The following GRIA3 variants were observed in gnomAD, a reference collection of about 807,000 sequenced individuals.
GRIA3 encodes glutamate receptor 3.
GRIA3 carries 3 observed loss-of-function variants against 63.0 expected under a neutral mutation model. The observed-to-expected ratio is 0.05, with a 90% confidence interval of 0.02 to 0.12. The LOEUF (loss-of-function observed/expected upper bound fraction) is 0.12. GRIA3 is among the 10% of genes least tolerant of loss of function. The pLI, the probability that GRIA3 is intolerant of heterozygous loss-of-function variation, is 1.00. For missense variants in GRIA3, 347 were observed against 700.9 expected, an observed-to-expected ratio of 0.50 and a Z score of 5.70; for synonymous variants, 274 against 257.9, an observed-to-expected ratio of 1.06 and a Z score of -0.60.
intron 2 of GRIA3, among the ~76,000 whole-genome samples, chrX:123,202,204 A>C (rs1603023170): frequency 8.9e-6 from 1 of 112,289 alleles, no homozygotes; most frequent in Admixed American, 9.4e-5. Context: ...CCTGAATTAT[A>C]TCCCGTCAGG....
chrX:123,278,891 T>G (rs5909984), intron 3 of GRIA3, among the ~76,000 whole-genome samples: 41,295 of 110,827 alleles, frequency 0.37, 6,770 homozygotes, highest in African/African-American at 0.63. Flanking sequence ...TTGCTCAGAA[T>G]TGCTTGGGCT....
chrX:123,457,010 T>C (rs936636737), intron 12 of GRIA3, among the ~76,000 whole-genome samples: 1 of 111,617 alleles, frequency 9.0e-6, no homozygotes, highest in African/African-American at 3.3e-5. Context: ...ATCTTAAAGA[T>C]ACAATCTAAA....
intron 5 of GRIA3, among the ~76,000 whole-genome samples, chrX:123,387,093 G>A (rs747493886): frequency 1.4e-4 from 16 of 111,562 alleles, no homozygotes; most frequent in Non-Finnish European, 2.1e-4. Context: ...ATCCATGAGC[G>A]TGGGGTGTCT....
At chrX:123,264,658 T>A (rs887103247) in intron 3 of GRIA3, among the ~76,000 whole-genome samples, 1 of 112,076 alleles carries the variant, frequency 8.9e-6, no homozygotes, top group Admixed American at 9.4e-5. Context: ...TTGAGTCTTC[T>A]CAGGCAGCCA....
At chrX:123,352,575 A>G (rs17325268) in intron 4 of GRIA3, among the ~76,000 whole-genome samples, 47,005 of 110,302 alleles carry the variant, frequency 0.43, 7,333 homozygotes, top group Middle Eastern at 0.56. Context: ...GCTCCCTCTC[A>G]TCTTCTCTAC....
At chrX:123,246,274 A>G (rs2044358817) in intron 2 of GRIA3, among the ~76,000 whole-genome samples, 1 of 112,041 alleles carries the variant, frequency 8.9e-6, no homozygotes, top group South Asian at 3.8e-4. Context: ...CACAAACTTA[A>G]TAGCTTAAAT....
rs73553764 is a variant in GRIA3 at position 123,398,823 on chromosome X, A to C, written c.1080+20A>C. 2,382 of 1,167,186 alleles carry C rather than the reference A, an allele frequency of 2.0e-3. 23 individuals carry two copies. The African/African-American group carries it at 0.034, about 16-fold the overall frequency. On this transcript the variant is annotated intron_variant, in intron 7 of 15. Transcript: ENST00000620443. Reference sequence around the variant, plus strand: ...AAAATGGTAAAGACCACAATGGGTTATTGGGGTGGAAGAAACTTATAAAGA... The same window carrying C: ...AAAATGGTAAAGACCACAATGGGTTCTTGGGGTGGAAGAAACTTATAAAGA...
intron 5 of GRIA3, among the ~76,000 whole-genome samples, chrX:123,381,563 C>A (rs2045324467): frequency 1.8e-5 from 2 of 111,300 alleles, no homozygotes; most frequent in African/African-American, 6.5e-5. Context: ...ACCTAGAAGC[C>A]AAACAAATCC....
chrX:123,256,337 CA>C (rs762513360), intron 3 of GRIA3, among the ~76,000 whole-genome samples: 1 of 110,622 alleles, frequency 9.0e-6, no homozygotes, highest in African/African-American at 3.3e-5. Context: ...AGTAAATTAA[CA>C]AAAAAACAAT....
chrX:123,404,968 G>A (rs768811544), intron 10 of GRIA3, 54 bp downstream of exon 10: 6 of 848,963 alleles, frequency 7.1e-6, no homozygotes, highest in Admixed American at 6.6e-5. Flanking sequence ...AATTAACAAA[G>A]AAGAGAGAAG....
At chrX:123,404,450 T>G (rs777557171) in intron 9 of GRIA3, among the ~76,000 whole-genome samples, 1 of 108,063 alleles carries the variant, frequency 9.3e-6, no homozygotes, top group Non-Finnish European at 1.9e-5. Context: ...CTGGGCCATC[T>G]TTCAAACTCT....
rs773738178 is a variant in GRIA3 at position 123,389,897 on chromosome X, G to A, written c.751-5071G>A. 9.0e-5 allele frequency among the ~76,000 whole-genome samples: 10 copies of A among 110,579 alleles called. No homozygotes were observed. In the South Asian group the frequency reaches 3.1e-3, roughly 34 times the overall value. The stretch of plus-strand genomic sequence containing the variant: ...ATTTTTTTGTATTTTTAGTAGAGAC[G>A]AAGTTTCACCATGTTAGCCAGGATG... On this transcript the variant is annotated intron_variant, in intron 5 of 15. Coordinates refer to ENST00000620443, the MANE Select transcript of GRIA3 (RefSeq NM_007325.5).
At chrX:123,271,484 C>T (rs2044522158) in intron 3 of GRIA3, among the ~76,000 whole-genome samples, 1 of 111,768 alleles carries the variant, frequency 8.9e-6, no homozygotes, top group African/African-American at 3.3e-5. Context: ...GGGACTAAAG[C>T]CCGTTTCCTA....
At chrX:123,302,863 C>T (rs753902831) in intron 3 of GRIA3, among the ~76,000 whole-genome samples, 4 of 110,627 alleles carry the variant, frequency 3.6e-5, no homozygotes, top group Non-Finnish European at 5.7e-5. Context: ...TCATGGCGTA[C>T]CCCTTAGCAA....
chrX:123,463,597 AGGG>A (rs1569440759), intron 12 of GRIA3, among the ~76,000 whole-genome samples: 12 of 29,256 alleles, frequency 4.1e-4, no homozygotes, highest in Non-Finnish European at 6.0e-4. Context: ...GGAGGGAGGG[AGGG>A]AGGGAGGGAG....
At chrX:123,351,411 C>T (rs989130035) in intron 4 of GRIA3, among the ~76,000 whole-genome samples, 2 of 111,865 alleles carry the variant, frequency 1.8e-5, no homozygotes, top group Admixed American at 1.9e-4. Flanking sequence ...AGCTGCTCCA[C>T]GTAAGTAAGA....
chrX:123,240,364 GTTTT>G (rs777432983), intron 2 of GRIA3, among the ~76,000 whole-genome samples: 2 of 111,247 alleles, frequency 1.8e-5, no homozygotes, highest in Non-Finnish European at 3.8e-5. Context: ...TGGAAAATAG[GTTTT>G]TTTGCTCTTC....
chrX:123,306,358 A>G (rs918130748), intron 3 of GRIA3, among the ~76,000 whole-genome samples: 1 of 112,130 alleles, frequency 8.9e-6, no homozygotes, highest in Admixed American at 9.5e-5. Flanking sequence ...ACTCTTCCCT[A>G]GAAAGAAGGG....
At chrX:123,480,898 T>C in intron 14 of GRIA3, among the ~76,000 whole-genome samples, 1 of 111,866 alleles carries the variant, frequency 8.9e-6, no homozygotes, top group Non-Finnish European at 1.9e-5. Context: ...GCCTCCTTCC[T>C]GCCCCCCTTC....
Sources: gnomAD v4.1 joint callset for allele counts (sites outside exome capture counted in the v4.1 genomes callset) on GRCh38, gnomAD v4.1.1 for gene constraint, MANE v1.5 for transcripts, NCBI Gene and HGNC (gene_info 2026-07-23, HGNC 2026-07-21) for gene names.